Variants in BCAR3 observed in about 807,000 individuals in gnomAD.
BCAR3 encodes breast cancer anti-estrogen resistance protein 3.
A neutral mutation model predicts 80.1 loss-of-function variants in BCAR3; 37 were observed. That is an observed-to-expected ratio of 0.46 (90% CI 0.36 to 0.61). BCAR3 has a LOEUF of 0.61. Among genes scored for constraint, BCAR3 ranks in the 20% least tolerant of loss-of-function variants. BCAR3 has a pLI of 0.00. For missense variants in BCAR3, 978 were observed against 1,068.2 expected (o/e 0.92, Z 1.18); for synonymous variants, 389 against 418.9 (o/e 0.93, Z 0.87).
At chr1:93,649,534 A>C (rs188526428) in intron 2 of BCAR3, among the ~76,000 whole-genome samples, 1 of 152,198 alleles carries the variant, frequency 6.6e-6, no homozygotes, top group East Asian at 1.9e-4. Flanking sequence ...AGCTTTCAAA[A>C]GGTGAAAGGA....
At chr1:93,708,829 C>T (rs896329120) in intron 2 of BCAR3, among the ~76,000 whole-genome samples, 66 of 152,186 alleles carry the variant, frequency 4.3e-4, no homozygotes, top group African/African-American at 1.5e-3. Flanking sequence ...TCCTTTGCCC[C>T]GCCAGGGCTG....
chr1:93,762,219 C>T (rs7555914), intron 2 of BCAR3, among the ~76,000 whole-genome samples: 27,186 of 152,138 alleles, frequency 0.18, 3,521 homozygotes, highest in African/African-American at 0.36. Context: ...TTGTCCTTCT[C>T]TCACTTTCAT....
chr1:93,607,839 C>T (rs957928278), intron 3 of BCAR3, among the ~76,000 whole-genome samples: 8 of 152,188 alleles, frequency 5.3e-5, no homozygotes, highest in African/African-American at 1.7e-4. Flanking sequence ...TCCTTCCTGC[C>T]TTTGCACCCA....
At chr1:93,654,049 A>C (rs1647248528) in intron 2 of BCAR3, among the ~76,000 whole-genome samples, 1 of 152,082 alleles carries the variant, frequency 6.6e-6, no homozygotes, top group East Asian at 1.9e-4. Context: ...AAAACCCTCA[A>C]GTCCTCACCA....
At chr1:93,668,244 A>G (rs181794038) in intron 2 of BCAR3, among the ~76,000 whole-genome samples, 175 of 152,294 alleles carry the variant, frequency 1.1e-3, no homozygotes, top group African/African-American at 3.9e-3. Context: ...CAATCTGTTA[A>G]CAATTTTTTT....
At chr1:93,712,338 C>T (rs998257452) in intron 2 of BCAR3, among the ~76,000 whole-genome samples, 9 of 152,192 alleles carry the variant, frequency 5.9e-5, no homozygotes, top group African/African-American at 2.2e-4. Flanking sequence ...CAGCTAAGCT[C>T]CCATGAGTGG....
chr1:93,590,233 T>C (rs1231446602), intron 4 of BCAR3: 15 of 152,224 alleles, frequency 9.9e-5, no homozygotes, highest in African/African-American at 2.9e-4. Context: ...TTAACAAGCA[T>C]GATGCTGCTG....
chr1:93,843,455 C>G (rs1034437421), intron 2 of BCAR3, among the ~76,000 whole-genome samples: 1 of 152,162 alleles, frequency 6.6e-6, no homozygotes, highest in Admixed American at 6.5e-5. Flanking sequence ...TCTTGCAATT[C>G]TCATAACAAT....
chr1:93,802,949 C>CA (rs1302407269), intron 2 of BCAR3, among the ~76,000 whole-genome samples: 3 of 152,176 alleles, frequency 2.0e-5, no homozygotes, highest in Non-Finnish European at 4.4e-5. Context: ...TGTTCAGGGT[C>CA]AAAAGTGTGC....
intron 2 of BCAR3, among the ~76,000 whole-genome samples, chr1:93,721,791 A>T (rs1235420463): frequency 6.6e-6 from 1 of 152,142 alleles, no homozygotes; most frequent in Admixed American, 6.5e-5. Flanking sequence ...AAAGTAGGGG[A>T]GGTGGCCTCT....
At chr1:93,700,168 C>A (rs1030191427) in intron 3 of BCAR3, among the ~76,000 whole-genome samples, 6 of 152,102 alleles carry the variant, frequency 3.9e-5, no homozygotes, top group African/African-American at 1.4e-4. Context: ...AAGTTTAGAT[C>A]CCCCCTAATG....
At chr1:93,732,957 G>A (rs1337873499) in intron 2 of BCAR3, among the ~76,000 whole-genome samples, 3 of 152,206 alleles carry the variant, frequency 2.0e-5, no homozygotes, top group South Asian at 2.1e-4. Context: ...ACTACAGAAG[G>A]AGAAGCATTT....
At chr1:93,622,618 G>C (rs1053505364) in intron 3 of BCAR3, among the ~76,000 whole-genome samples, 1 of 152,130 alleles carries the variant, frequency 6.6e-6, no homozygotes. Flanking sequence ...AAGGGCTAAG[G>C]GACCGCTTTT....
intron 3 of BCAR3, among the ~76,000 whole-genome samples, chr1:93,701,991 C>A (rs182239236): frequency 7.3e-4 from 111 of 152,280 alleles, no homozygotes; most frequent in African/African-American, 2.5e-3. Context: ...CATCCAGGAG[C>A]CTGTGGCTTG....
chr1:93,807,061 T>C (rs1401173511), intron 2 of BCAR3, among the ~76,000 whole-genome samples: 1 of 151,858 alleles, frequency 6.6e-6, no homozygotes, highest in African/African-American at 2.4e-5. Flanking sequence ...GAGGAGATCA[T>C]GCCACTGCAC....
intron 11 of BCAR3, among the ~76,000 whole-genome samples, chr1:93,563,239 C>T (rs1281836717): frequency 1.3e-5 from 2 of 152,218 alleles, no homozygotes; most frequent in East Asian, 3.8e-4. Context: ...CAGTCAACCA[C>T]TGATCTGCTT....
intron 2 of BCAR3, among the ~76,000 whole-genome samples, chr1:93,760,826 C>A (rs987776406): frequency 6.6e-6 from 1 of 152,056 alleles, no homozygotes; most frequent in Admixed American, 6.6e-5. Context: ...AGGCCTTGGT[C>A]AGGAGTTCAT....
intron 2 of BCAR3, among the ~76,000 whole-genome samples, chr1:93,643,070 A>T (rs1467166736): frequency 6.6e-6 from 1 of 150,586 alleles, no homozygotes; most frequent in East Asian, 2.0e-4. Flanking sequence ...TCTACTAAAA[A>T]TACAAAATTA....
intron 2 of BCAR3, among the ~76,000 whole-genome samples, chr1:93,814,605 G>C (rs1653954510): frequency 6.6e-6 from 1 of 152,236 alleles, no homozygotes; most frequent in African/African-American, 2.4e-5. Flanking sequence ...AGCCCTCATG[G>C]AGAAGGAGGC....
Sources: gnomAD v4.1 joint callset for allele counts (sites outside exome capture counted in the v4.1 genomes callset) on GRCh38, gnomAD v4.1.1 for gene constraint, MANE v1.5 for transcripts, NCBI Gene and HGNC (gene_info 2026-07-23, HGNC 2026-07-21) for gene names.